Variants in LCMT1 observed in about 807,000 individuals in gnomAD.
The protein encoded by LCMT1 is leucine carboxyl methyltransferase 1.
LCMT1 carries 32 observed loss-of-function variants against 47.7 expected under a neutral mutation model. That is an observed-to-expected ratio of 0.67 (90% CI 0.51 to 0.90). The LOEUF (loss-of-function observed/expected upper bound fraction) is 0.90. LCMT1 is among the 40% of genes least tolerant of loss of function. LCMT1 has a pLI of 0.00. For missense variants in LCMT1, 375 were observed against 415.2 expected (o/e 0.90, Z 0.84); for synonymous variants, 152 against 149.7 (o/e 1.02, Z -0.11).
chr16:25,147,810 C>G (rs1237431166), intron 4 of LCMT1: 1 of 152,134 alleles, frequency 6.6e-6, no homozygotes, highest in African/African-American at 2.4e-5. Flanking sequence ...TCACTTTAGC[C>G]TTCTGAGTAG....
chr16:25,161,818 TAA>T (rs35018593), intron 6 of LCMT1, among the ~76,000 whole-genome samples: 2 of 147,366 alleles, frequency 1.4e-5, no homozygotes, highest in East Asian at 2.0e-4. Context: ...CAGCTACTAT[TAA>T]AAAAAAAAAC....
At chr16:25,136,090 C>CAAAAAA (rs36051960) in intron 3 of LCMT1, among the ~76,000 whole-genome samples, 1 of 69,166 alleles carries the variant, frequency 1.4e-5, no homozygotes. Flanking sequence ...GATGCTGTCT[C>CAAAAAA]AAAAAAAAAA....
At chr16:25,151,045 C>T (rs532150545) in intron 4 of LCMT1, among the ~76,000 whole-genome samples, 5 of 152,180 alleles carry the variant, frequency 3.3e-5, no homozygotes, top group African/African-American at 1.2e-4. Flanking sequence ...GGGATATTGA[C>T]GCGTGTCTGA....
Position 25,178,095 on chromosome 16 carries a change from G to T in LCMT1, c.*72G>T. The T allele has an allele frequency of 6.7e-7, 1 of 1,499,242 alleles. No individual in the cohort carries two copies. The allele number at this position is 1,499,242 out of a possible 1,614,324, so 92.9% of individuals were successfully genotyped here. ...CCTGGAGGAGACCTGCAAGCTCCCT[G>T]AGCGGTGGGCGGGCCTCGTCCGCAG... is the stretch of plus-strand genomic sequence containing the variant. On this transcript the variant is annotated 3_prime_UTR_variant, in exon 11 of 11. Transcript: ENST00000399069.
chr16:25,136,313 TG>T (rs1305341488), intron 3 of LCMT1, among the ~76,000 whole-genome samples: 1 of 151,398 alleles, frequency 6.6e-6, no homozygotes, highest in African/African-American at 2.4e-5. Flanking sequence ...CCTCCTGCCC[TG>T]TGGCAGCTGT....
rs796331505 is a variant in LCMT1 at position 25,118,033 on chromosome 16, C to G, written c.113+6037C>G. The stretch of plus-strand genomic sequence containing the variant: ...CTGTTTCTGCCGTCTGTGATCTGAA[C>G]TATGGTACTAGTCTCCCAAATGGGC... On this transcript the variant is annotated intron_variant, in intron 1 of 10. Transcript: ENST00000399069. Among the ~76,000 whole-genome samples, 14 of 152,248 alleles carry G rather than the reference C, an allele frequency of 9.2e-5. 1 individual carries two copies. Among genetic ancestry groups the G allele is most frequent in the African/African-American group, 3.1e-4 (13 of 41,528 alleles).
At chr16:25,128,668 C>T (rs564356580) in intron 2 of LCMT1, 102 bp downstream of exon 2, 40 of 818,614 alleles carry the variant, frequency 4.9e-5, no homozygotes, top group Admixed American at 3.9e-4. Context: ...TCCAGCTGTG[C>T]GCAAAAGTGC....
intron 2 of LCMT1, 77 bp downstream of exon 2, chr16:25,128,643 G>A (rs1043253894): frequency 1.5e-5 from 16 of 1,090,872 alleles, no homozygotes; most frequent in African/African-American, 3.1e-5. Flanking sequence ...GAAGGAAGTC[G>A]TGGTGTGCTC....
chr16:25,134,534 G>A (rs762619420), intron 3 of LCMT1, among the ~76,000 whole-genome samples: 3 of 152,178 alleles, frequency 2.0e-5, no homozygotes, highest in Admixed American at 2.0e-4. Flanking sequence ...CCTGCACACA[G>A]CCTCTGTGGT....
At chr16:25,175,469 C>CAA (rs35504714) in intron 10 of LCMT1, among the ~76,000 whole-genome samples, 10,231 of 134,862 alleles carry the variant, frequency 0.076, 479 homozygotes, top group African/African-American at 0.14. Flanking sequence ...ACTAAAAATA[C>CAA]AAAAAAAAAA....
At chr16:25,118,566 A>G (rs1325003587) in intron 1 of LCMT1, among the ~76,000 whole-genome samples, 4 of 152,042 alleles carry the variant, frequency 2.6e-5, no homozygotes, top group Non-Finnish European at 5.9e-5. Flanking sequence ...AAATCAGCAC[A>G]ATATGTGTCG....
chr16:25,160,689 G>A, intron 5 of LCMT1: 2 of 492,944 alleles, frequency 4.1e-6, no homozygotes, highest in Non-Finnish European at 8.1e-6. Flanking sequence ...GGCTAAATAA[G>A]TTATGTTTTA....
At position 25,161,126 on chromosome 16, in the gene LCMT1, GAT is replaced by G. The variant is rs764271338; in HGVS notation, c.494_495del (p.Tyr165CysfsTer12). On this transcript the variant is annotated frameshift_variant, in exon 6 of 11. Transcript: ENST00000399069. LOFTEE classifies it high-confidence loss of function. ...GATGGACACATACTGGATTCAAAGA[GAT>G]ATGCCGTTATTGGAGCAGATCTCCG... 6 of 1,609,614 alleles carry G rather than the reference GAT, an allele frequency of 3.7e-6. No homozygotes were observed. The highest frequency in any genetic ancestry group is 5.1e-6 in the Non-Finnish European group (6 of 1,177,774).
intron 3 of LCMT1, among the ~76,000 whole-genome samples, chr16:25,134,657 A>G (rs973100161): frequency 3.3e-5 from 5 of 152,198 alleles, no homozygotes; most frequent in Non-Finnish European, 5.9e-5. Context: ...CTGGAATGCC[A>G]TGGTGTGATC....
chr16:25,178,016 C>T lies in LCMT1; in HGVS notation c.998C>T (p.Thr333Ile), dbSNP rs755994464. 1.2e-5 allele frequency: 20 copies of T among 1,613,776 alleles called. No homozygotes were observed. The highest frequency in any genetic ancestry group is 1.6e-5 in the Non-Finnish European group (19 of 1,179,828). Residue 333 changes from threonine to isoleucine, a missense_variant, in exon 11 of 11, where the codon ACT becomes ATT. Physicochemically the swap from Thr to Ile is moderately conservative, Grantham distance 89. Coordinates refer to ENST00000399069, the MANE Select transcript of LCMT1 (RefSeq NM_016309.3). ...GGNELGLKEITY is the reference protein window; with the variant it reads ...GGNELGLKEIIY Reference sequence around the variant, plus strand: ...CTCCCCTCAGGGCTGAAGGAGATAACTTATTAATCTGTCGAAGGCTTATGC... The same window carrying T: ...CTCCCCTCAGGGCTGAAGGAGATAATTTATTAATCTGTCGAAGGCTTATGC...
intron 5 of LCMT1, among the ~76,000 whole-genome samples, chr16:25,157,898 C>G (rs955434651): frequency 1.3e-5 from 2 of 151,886 alleles, no homozygotes; most frequent in African/African-American, 2.4e-5. Context: ...ACCCCTGAGC[C>G]AAAAAACACA....
intron 7 of LCMT1, 111 bp downstream of exon 7, chr16:25,164,829 T>C (rs1961539447): frequency 2.2e-6 from 3 of 1,380,364 alleles, no homozygotes; most frequent in Non-Finnish European, 3.1e-6. Flanking sequence ...GCCTCCAGCC[T>C]CTCACATATC....
At chr16:25,174,191 C>T (rs1343083961) in intron 9 of LCMT1, among the ~76,000 whole-genome samples, 4 of 152,206 alleles carry the variant, frequency 2.6e-5, no homozygotes, top group Non-Finnish European at 4.4e-5. Context: ...GGATTACAGG[C>T]GTGAGGCACT....
intron 1 of LCMT1, among the ~76,000 whole-genome samples, chr16:25,115,476 T>G (rs1467901183): frequency 2.0e-5 from 3 of 152,212 alleles, no homozygotes; most frequent in Admixed American, 6.5e-5. Context: ...AACTGTGCCC[T>G]TAACAGAACC....
Sources: allele counts gnomAD v4.1 joint callset (sites outside exome capture counted in the v4.1 genomes callset), GRCh38; gene constraint gnomAD v4.1.1; transcripts MANE v1.5; gene names NCBI Gene and HGNC (gene_info 2026-07-23, HGNC 2026-07-21).